Variants in ARHGEF33 observed in about 807,000 individuals in gnomAD.
ARHGEF33 encodes Rho guanine nucleotide exchange factor 33.
A neutral mutation model predicts 101.9 loss-of-function variants in ARHGEF33; 72 were observed. The ratio of observed to expected loss-of-function variants is 0.71; its 90% confidence interval spans 0.58 to 0.86. The LOEUF (loss-of-function observed/expected upper bound fraction) is 0.86, where lower values mean the gene tolerates loss of function less well. Among genes scored for constraint, ARHGEF33 ranks in the 40% least tolerant of loss-of-function variants. The probability of loss-of-function intolerance (pLI) is 0.00; values close to 1 mark genes in which losing one functional copy is unlikely to be tolerated. For synonymous variants in ARHGEF33, 499 were observed against 442.5 expected (o/e 1.13, Z -1.60); for missense variants, 1,169 against 1,111.3 (o/e 1.05, Z -0.74).
chr2:38,970,420 GT>G (rs1240837258), intron 17 of ARHGEF33, among the ~76,000 whole-genome samples: 2 of 152,174 alleles, frequency 1.3e-5, no homozygotes, highest in African/African-American at 4.8e-5. Context: ...CACCTATTCT[GT>G]CTCCTTAAAG....
At chr2:38,905,266 A>G (rs952393541) in intron 2 of ARHGEF33, among the ~76,000 whole-genome samples, 18 of 152,132 alleles carry the variant, frequency 1.2e-4, no homozygotes, top group African/African-American at 4.3e-4. Context: ...TGAAAATACT[A>G]GTGATTGAGA....
chr2:38,892,751 CTT>C (rs1666032785), intron 1 of ARHGEF33, among the ~76,000 whole-genome samples: 1 of 152,206 alleles, frequency 6.6e-6, no homozygotes, highest in African/African-American at 2.4e-5. Context: ...CTATCCAACT[CTT>C]TTTCTTGGGT....
chr2:38,939,053 A>G (rs1022815946), intron 9 of ARHGEF33, among the ~76,000 whole-genome samples: 3 of 152,116 alleles, frequency 2.0e-5, no homozygotes, highest in African/African-American at 7.2e-5. Context: ...GCTCCCTGCA[A>G]CATCTGCCTC....
At chr2:38,963,023 CAAAAA>C (rs34417172) in intron 16 of ARHGEF33, among the ~76,000 whole-genome samples, 1 of 102,018 alleles carries the variant, frequency 9.8e-6, no homozygotes, top group Non-Finnish European at 2.0e-5. Context: ...GACTCTGTCT[CAAAAA>C]AAAAAAAAAA....
At chr2:38,946,053 T>C (rs920168064) in intron 10 of ARHGEF33, among the ~76,000 whole-genome samples, 1 of 152,236 alleles carries the variant, frequency 6.6e-6, no homozygotes, top group South Asian at 2.1e-4. Context: ...TCTCTTCCTA[T>C]TTCAAAATTC....
chr2:38,910,114 G>T (rs1349413043), intron 2 of ARHGEF33, among the ~76,000 whole-genome samples: 1 of 152,026 alleles, frequency 6.6e-6, no homozygotes, highest in Non-Finnish European at 1.5e-5. Flanking sequence ...ACCTTCCTGT[G>T]ATATTATGCT....
chr2:38,929,102 A>C (rs996823075), intron 5 of ARHGEF33, 31 bp downstream of exon 5: 2 of 1,528,484 alleles, frequency 1.3e-6, no homozygotes, highest in Non-Finnish European at 8.8e-7. Flanking sequence ...CCTGCTGACA[A>C]GAGAATTTTG....
intron 1 of ARHGEF33, among the ~76,000 whole-genome samples, chr2:38,891,864 AG>A (rs958040719): frequency 6.6e-6 from 1 of 152,096 alleles, no homozygotes; most frequent in Non-Finnish European, 1.5e-5. Context: ...GAGTCATGGA[AG>A]GAAAAAAAAC....
intron 2 of ARHGEF33, among the ~76,000 whole-genome samples, chr2:38,901,469 C>T (rs3099959): frequency 0.28 from 42,828 of 152,102 alleles, 6,166 homozygotes; most frequent in Admixed American, 0.31. Flanking sequence ...AACCAGCTCC[C>T]GGGTAGGGCT....
intron 17 of ARHGEF33, among the ~76,000 whole-genome samples, chr2:38,967,857 G>A (rs953003153): frequency 2.0e-5 from 3 of 150,612 alleles, no homozygotes; most frequent in Non-Finnish European, 4.4e-5. Flanking sequence ...TGGGATTACA[G>A]GCGTGAGCCA....
chr2:38,962,022 T>C (rs1228970545), intron 16 of ARHGEF33, among the ~76,000 whole-genome samples: 1 of 152,114 alleles, frequency 6.6e-6, no homozygotes, highest in African/African-American at 2.4e-5. Context: ...CCACCTGCAC[T>C]CCAGCAGTGA....
At position 38,960,552 on chromosome 2, in the gene ARHGEF33, G is replaced by GGCCGCCGCC. The variant is rs746974243; in HGVS notation, c.2252_2260dup (p.Ala751_Ala753dup). 8 of 1,273,056 alleles carry GGCCGCCGCC rather than the reference G, an allele frequency of 6.3e-6. No homozygotes were observed. Among genetic ancestry groups the GGCCGCCGCC allele is most frequent in the Non-Finnish European group, 8.0e-6 (8 of 996,556 alleles). 78.9% of individuals were successfully genotyped at this position (1,273,056 alleles called of 1,614,324 possible). Reference sequence around the variant, plus strand: ...AGCGCGCCGCGCAGGCGCACGGCCCGGCCGCCGCCGCCGTCGCCGCCCGCG... The same window carrying GGCCGCCGCC: ...AGCGCGCCGCGCAGGCGCACGGCCCGGCCGCCGCCGCCGCCGCCGCCGTCGCCGCCCGCG... On this transcript the variant is annotated inframe_insertion, in exon 16 of 18. Transcript: ENST00000409978.
intron 2 of ARHGEF33, among the ~76,000 whole-genome samples, chr2:38,909,705 GAT>G (rs764591760): frequency 0.04 from 3,464 of 86,484 alleles, 104 homozygotes; most frequent in African/African-American, 0.095. Context: ...ATTCAAGGAT[GAT>G]TTTTTTTTTT....
intron 4 of ARHGEF33, among the ~76,000 whole-genome samples, chr2:38,927,948 G>T (rs1348739916): frequency 6.6e-6 from 1 of 152,108 alleles, no homozygotes. Flanking sequence ...ATTTCTGTTT[G>T]TGCTTAACTT....
chr2:38,890,148 G>C (rs1351542137), intron 1 of ARHGEF33, among the ~76,000 whole-genome samples, 162 bp downstream of exon 1: 2 of 152,110 alleles, frequency 1.3e-5, no homozygotes, highest in Non-Finnish European at 2.9e-5. Context: ...TTTTATTTAA[G>C]AGTTATAACA....
chr2:38,971,787 T>A (rs1267767356), intron 17 of ARHGEF33: 3 of 717,238 alleles, frequency 4.2e-6, no homozygotes, highest in Non-Finnish European at 7.8e-6. Context: ...AAGGTACAAT[T>A]TGTGAGAAGA....
intron 2 of ARHGEF33, among the ~76,000 whole-genome samples, chr2:38,898,826 C>T (rs1020443101): frequency 6.6e-6 from 1 of 152,122 alleles, no homozygotes; most frequent in Non-Finnish European, 1.5e-5. Context: ...GTAAACTGTG[C>T]ATGTATTGCA....
Position 38,937,501 on chromosome 2 carries a change from G to A in ARHGEF33, c.732G>A (p.Glu244=), listed in dbSNP as rs1259926322. The stretch of plus-strand genomic sequence containing the variant: ...AAGACCACCCAGATAAACTCAAGGA[G>A]GCTGGCCAGGGTAGACACAGCTCCT... ...VTKDHPDKLK[E]AGQGRHSSLE... is the part of the protein sequence containing the mutation. The change falls in exon 9 of 18, where the codon GAG becomes GAA. Residue 244 remains glutamate (E), a synonymous_variant. Transcript: ENST00000409978. The A allele has an allele frequency of 6.4e-7, 1 of 1,551,158 alleles. No homozygotes were observed. Among genetic ancestry groups the A allele is most frequent in the Non-Finnish European group, 8.7e-7 (1 of 1,146,806 alleles).
rs987425339 is a variant in ARHGEF33, at chr2:38,934,362, C to G, written c.506-1413C>G. ...TTTAACTTGCCTCTGCTTTTCTCTT[C>G]AGACTTATATTTTGTTACCCTCGAC... On this transcript the variant is annotated intron_variant, in intron 7 of 17. Transcript: ENST00000409978. 3.9e-5 allele frequency among the ~76,000 whole-genome samples: 6 copies of G among 152,170 alleles called. No homozygotes were observed. The South Asian group carries it at 8.3e-4, about 21-fold the overall frequency.
Sources: allele counts gnomAD v4.1 joint callset (sites outside exome capture counted in the v4.1 genomes callset), GRCh38; gene constraint gnomAD v4.1.1; transcripts MANE v1.5; gene names NCBI Gene and HGNC (gene_info 2026-07-23, HGNC 2026-07-21).